The following PHACTR2 variants were observed in gnomAD, a reference collection of about 807,000 sequenced individuals.
PHACTR2 encodes chromosome 6 open reading frame 56.
In PHACTR2, 30 loss-of-function variants were observed where a neutral mutation model predicts 76.0. That is an observed-to-expected ratio of 0.39 (90% CI 0.30 to 0.54). PHACTR2 has a LOEUF of 0.54. Ranked by LOEUF, PHACTR2 falls within the 20% of genes least tolerant of loss-of-function variation. The pLI is 0.61. For synonymous variants in PHACTR2, 292 were observed against 292.5 expected, an observed-to-expected ratio of 1.00 and a Z score of 0.02; for missense variants, 696 against 781.1, an observed-to-expected ratio of 0.89 and a Z score of 1.30.
At position 143,554,019 on chromosome 6, in the gene PHACTR2, T is replaced by C. The variant is rs1240113710; in HGVS notation, c.217+16812T>C. Among the ~76,000 whole-genome samples, 2 of 152,080 alleles carry C rather than the reference T, an allele frequency of 1.3e-5. No individual in the cohort carries two copies. Among genetic ancestry groups the C allele is most frequent in the African/African-American group, 4.8e-5 (2 of 41,394 alleles). On this transcript the variant is annotated intron_variant, in intron 1 of 11. Coordinates refer to the PHACTR2 transcript ENST00000367584. The surrounding 1 kb of genome is among the most constrained non-coding windows in gnomAD (Gnocchi z 5.9). ...GCCCCTGTAGACCACCGCAATGACG[T>C]TGACATTTTCTCTGAGTGAGACTGG...
chr6:143,767,818 G>A lies in PHACTR2; in HGVS notation c.1232+2020G>A, dbSNP rs1348627492. 6.6e-6 allele frequency among the ~76,000 whole-genome samples: 1 copy of A among 152,026 alleles called. No individual in the cohort carries two copies. The highest frequency in any genetic ancestry group is 1.5e-5 in the Non-Finnish European group (1 of 68,006). On this transcript the variant is annotated intron_variant, in intron 6 of 12. Transcript: ENST00000440869. This position sits in a 1 kb window ranked among gnomAD's most constrained non-coding sequence, Gnocchi z 4.4. ...CCCTACCTCTCAACACTTTCACACT[G>A]AGGATGAAGGTTTTTGTTTTGTTTT...
In PHACTR2 at chr6:143,731,175, A is replaced by G. The variant is rs187303237; in HGVS notation, c.215-17810A>G. On this transcript the variant is annotated intron_variant, in intron 2 of 12. Coordinates refer to ENST00000440869, the MANE Select transcript of PHACTR2 (RefSeq NM_001100164.2). This position sits in a 1 kb window ranked among gnomAD's most constrained non-coding sequence, Gnocchi z 4.9. ...AACGCATTTTTCTGGATCAATTGAT[A>G]TGGTCATTTCAGTTTTTTTCTTTAG... 3.0e-4 allele frequency among the ~76,000 whole-genome samples: 45 copies of G among 152,334 alleles called. No individual in the cohort carries two copies. The highest frequency in any genetic ancestry group is 1.1e-3 in the African/African-American group (45 of 41,564).
chr6:143,749,587 T>G (rs886072918), intron 3 of PHACTR2, among the ~76,000 whole-genome samples: 8 of 152,000 alleles, frequency 5.3e-5, no homozygotes, highest in Non-Finnish European at 8.8e-5. Context: ...GCTTTCTGCT[T>G]TCTCTCATGT....
chr6:143,732,397 C>G (rs1346413769), intron 2 of PHACTR2, among the ~76,000 whole-genome samples: 1 of 152,214 alleles, frequency 6.6e-6, no homozygotes, highest in Non-Finnish European at 1.5e-5. Context: ...TCTTTTATGA[C>G]TGATATCTTT....
In PHACTR2 at chr6:143,611,852, G is replaced by A. The variant is rs570147753; in HGVS notation, c.13+3530G>A. 1.3e-5 allele frequency among the ~76,000 whole-genome samples: 2 copies of A among 152,338 alleles called. No homozygotes were observed. Among genetic ancestry groups the A allele is most frequent in the South Asian group, 4.1e-4 (2 of 4,828 alleles). Reference sequence around the variant, plus strand: ...GAAATTTATGTGGGTGGTGCAATGGGCATGGGGTTGGGGGATGCATTGGAT... The same window carrying A: ...GAAATTTATGTGGGTGGTGCAATGGACATGGGGTTGGGGGATGCATTGGAT... On this transcript the variant is annotated intron_variant, in intron 1 of 11. Transcript: ENST00000305766. The surrounding 1 kb of genome is among the most constrained non-coding windows in gnomAD (Gnocchi z 4.4).
intron 1 of PHACTR2, among the ~76,000 whole-genome samples, chr6:143,670,176 T>A (rs575943536): frequency 6.6e-6 from 1 of 152,220 alleles, no homozygotes; most frequent in Non-Finnish European, 1.5e-5. Flanking sequence ...TGGCCCCCAC[T>A]GTCCTCTGGC....
rs556991260 is a variant in PHACTR2, at chr6:143,806,635, A to G, written c.1846-422A>G. On this transcript the variant is annotated intron_variant, in intron 11 of 12. Coordinates refer to ENST00000440869, the MANE Select transcript of PHACTR2 (RefSeq NM_001100164.2). The surrounding 1 kb of genome is among the most constrained non-coding windows in gnomAD (Gnocchi z 5.8). ...ATCATGGTTTTAGTTTGGCTATAGT[A>G]TGATATTATATTTATTACACCTTAA... Among the ~76,000 whole-genome samples the G allele has an allele frequency of 6.6e-6, 1 of 152,270 alleles. No individual in the cohort carries two copies. Among genetic ancestry groups the G allele is most frequent in the Non-Finnish European group, 1.5e-5 (1 of 68,030 alleles).
At chr6:143,605,125 A>G (rs760303139), upstream of PHACTR2, among the ~76,000 whole-genome samples, 8 of 151,568 alleles carry the variant, frequency 5.3e-5, no homozygotes, top group Admixed American at 2.6e-4. This position sits in a 1 kb window ranked among gnomAD's most constrained non-coding sequence, Gnocchi z 5.0. Flanking sequence ...CCAGGCAAAC[A>G]CTCTCTTAAA....
chr6:143,648,612 G>A lies in PHACTR2; in HGVS notation c.13+40290G>A, dbSNP rs968680263. ...GCTGCCCTCTGAGGTAGGAAGGAAT[G>A]AAGAGCCCGGGAGGTTTAAAGTGCT... is the stretch of plus-strand genomic sequence containing the variant. On this transcript the variant is annotated intron_variant, in intron 1 of 11. Transcript: ENST00000305766. This position sits in a 1 kb window ranked among gnomAD's most constrained non-coding sequence, Gnocchi z 6.7. 1.3e-5 allele frequency among the ~76,000 whole-genome samples: 2 copies of A among 152,180 alleles called. No homozygotes were observed. Among genetic ancestry groups the A allele is most frequent in the African/African-American group, 4.8e-5 (2 of 41,448 alleles).
Position 143,710,936 on chromosome 6 carries a change from A to C in PHACTR2, c.47-1080A>C. On this transcript the variant is annotated intron_variant, in intron 1 of 12. Coordinates refer to ENST00000440869, the MANE Select transcript of PHACTR2 (RefSeq NM_001100164.2). The surrounding 1 kb of genome is among the most constrained non-coding windows in gnomAD (Gnocchi z 4.9). ...ATCCATCTGCCTTTTCCATCTATCT[A>C]TCCAGTTATTATTTTTGACGGACAT... 2.2e-6 allele frequency: 1 copy of C among 444,702 alleles called. No homozygotes were observed. The allele number at this position is 444,702 out of a possible 1,614,324, so 27.5% of individuals were successfully genotyped here.
At chr6:143,686,182 G>A (rs900693147) in intron 1 of PHACTR2, among the ~76,000 whole-genome samples, 1 of 149,872 alleles carries the variant, frequency 6.7e-6, no homozygotes, top group Non-Finnish European at 1.5e-5. Flanking sequence ...CAGTAGTTCT[G>A]CTCATAGAAG....
intron 2 of PHACTR2, among the ~76,000 whole-genome samples, chr6:143,725,157 A>G (rs1030298846): frequency 1.4e-5 from 2 of 144,878 alleles, no homozygotes; most frequent in Non-Finnish European, 3.0e-5. Context: ...CAGTCAGGAT[A>G]TATCAGAGTT....
Position 143,760,717 on chromosome 6 carries a change from G to C in PHACTR2, c.694+77G>C. ...GGGATGGGGCTAATTGTTTCTTCTA[G>C]GTGTGATGGGCTTTTGGTGTCTTAG... On this transcript the variant is annotated intron_variant, in intron 5 of 12. Coordinates refer to ENST00000440869, the MANE Select transcript of PHACTR2 (RefSeq NM_001100164.2). This position sits in a 1 kb window ranked among gnomAD's most constrained non-coding sequence, Gnocchi z 6.4. 6.6e-7 allele frequency: 1 copy of C among 1,509,054 alleles called. No individual in the cohort carries two copies. The highest frequency in any genetic ancestry group is 8.9e-7 in the Non-Finnish European group (1 of 1,117,706). 93.5% of individuals were successfully genotyped at this position (1,509,054 alleles called of 1,614,324 possible).
chr6:143,634,633 A>G (rs1339535431), intron 1 of PHACTR2, among the ~76,000 whole-genome samples: 3 of 152,202 alleles, frequency 2.0e-5, no homozygotes, highest in African/African-American at 7.2e-5. Context: ...GGTTTATTCC[A>G]TTGGAGAATG....
chr6:143,726,124 A>G (rs905147308), intron 2 of PHACTR2, among the ~76,000 whole-genome samples: 4 of 152,192 alleles, frequency 2.6e-5, no homozygotes, highest in African/African-American at 7.2e-5. Flanking sequence ...ATGTGTAGGA[A>G]TGGGATCTTG....
chr6:143,577,855 C>T (rs540435330), intron 1 of PHACTR2, among the ~76,000 whole-genome samples: 2 of 152,040 alleles, frequency 1.3e-5, no homozygotes, highest in East Asian at 3.9e-4. Flanking sequence ...ATAAGAGCTT[C>T]AGCAAAGGTT....
chr6:143,726,198 G>A (rs938245720), intron 2 of PHACTR2, among the ~76,000 whole-genome samples: 4 of 152,150 alleles, frequency 2.6e-5, no homozygotes, highest in African/African-American at 4.8e-5. Flanking sequence ...CCAGAGTTTT[G>A]CATTCCTGCA....
In PHACTR2 at chr6:143,578,531, G is replaced by A. The variant is rs1359488461; in HGVS notation, c.217+41324G>A. Among the ~76,000 whole-genome samples, 1 of 152,082 alleles carries A rather than the reference G, an allele frequency of 6.6e-6. No homozygotes were observed. The highest frequency in any genetic ancestry group is 1.5e-5 in the Non-Finnish European group (1 of 68,030). On this transcript the variant is annotated intron_variant, in intron 1 of 11. Transcript: ENST00000367584. The surrounding 1 kb of genome is among the most constrained non-coding windows in gnomAD (Gnocchi z 4.5). ...CAGCCCATACCCTGCTTGCCAAGCT[G>A]GGTACAAAATCACTCCTGCCAACAA...
intron 1 of PHACTR2, among the ~76,000 whole-genome samples, chr6:143,651,201 C>T (rs1173353242): frequency 3.3e-5 from 5 of 151,824 alleles, no homozygotes; most frequent in Non-Finnish European, 7.4e-5. Context: ...CAGATGCTGG[C>T]AATGTTGTGG....
Sources: gnomAD v4.1 joint callset for allele counts (sites outside exome capture counted in the v4.1 genomes callset) on GRCh38, gnomAD v4.1.1 for gene constraint, Gnocchi (gnomAD v3.1) non-coding constraint, MANE v1.5 for transcripts, NCBI Gene and HGNC (gene_info 2026-07-23, HGNC 2026-07-21) for gene names.